The following AMDHD2 variants were observed in gnomAD, a reference collection of about 807,000 sequenced individuals.
AMDHD2 encodes N-acetylglucosamine-6-phosphate deacetylase.
AMDHD2 carries 24 observed loss-of-function variants against 41.8 expected under a neutral mutation model. The ratio of observed to expected loss-of-function variants is 0.57; its 90% CI spans 0.42 to 0.81. The LOEUF (loss-of-function observed/expected upper bound fraction) is 0.81, where lower values mean the gene tolerates loss of function less well. AMDHD2 is among the 30% of genes least tolerant of loss of function. The probability of loss-of-function intolerance (pLI) is 0.00; values close to 1 mark genes in which losing one functional copy is unlikely to be tolerated. For missense variants in AMDHD2, 540 were observed against 588.5 expected, an observed-to-expected ratio of 0.92 and a Z score of 0.85; for synonymous variants, 332 against 255.5, an observed-to-expected ratio of 1.30 and a Z score of -2.85.
intron 3 of AMDHD2, among the ~76,000 whole-genome samples, chr16:2,521,343 C>T (rs771026662): frequency 2.6e-5 from 4 of 152,136 alleles, no homozygotes; most frequent in African/African-American, 4.8e-5. Context: ...CCGCAGCTGT[C>T]TCCACACTGC....
Position 2,530,968 on chromosome 16 carries a change from CA to C in AMDHD2, c.*1406del, listed in dbSNP as rs759261830. 4 of 1,613,360 alleles carry C rather than the reference CA, an allele frequency of 2.5e-6. No individual in the cohort carries two copies. Among genetic ancestry groups the C allele is most frequent in the Non-Finnish European group, 2.5e-6 (3 of 1,179,926 alleles). ...GGGCCTGGGAGAGGAGCTGTCTTGC[CA>C]GGGCTCCCAGGCAGGGAGAGGCAGG... On this transcript the variant is annotated 3_prime_UTR_variant, in exon 11 of 11. Transcript: ENST00000293971.
In AMDHD2 at chr16:2,528,344, G is replaced by C. The variant is rs762655247; in HGVS notation, c.826G>C (p.Ala276Pro). 1 of 1,612,694 alleles carries C rather than the reference G, an allele frequency of 6.2e-7. No homozygotes were observed. Among genetic ancestry groups the C allele is most frequent in the East Asian group, 2.2e-5 (1 of 44,880 alleles). Residue 276 changes from alanine (A) to proline (P), a missense_variant, in exon 7 of 11, where the codon GCC becomes CCC. By Grantham distance (27) the Ala-to-Pro change is conservative (BLOSUM62 -1). Coordinates refer to ENST00000293971, the MANE Select transcript of AMDHD2 (RefSeq NM_001330449.2). Reference sequence around the variant, plus strand: ...TGCAGATGGCACGCACACCAACCCCGCCGCCCTGCGGATCGCCCACCGTGC... The same window carrying C: ...TGCAGATGGCACGCACACCAACCCCCCCGCCCTGCGGATCGCCCACCGTGC... ...MIADGTHTNP[A>P]ALRIAHRAHP...
Position 2,527,459 on chromosome 16 carries a change from G to C in AMDHD2, c.361-102G>C. ...ACAGGCGGCCGGGGCTGGGCTGGGTGCTGGGCTCTGAACTCTGACCTGAGA... is the reference window on the plus strand; with the variant it reads ...ACAGGCGGCCGGGGCTGGGCTGGGTCCTGGGCTCTGAACTCTGACCTGAGA... On this transcript the variant is annotated intron_variant, in intron 3 of 10. Transcript: ENST00000293971. The surrounding 1 kb of genome is among the most constrained non-coding windows in gnomAD (Gnocchi z 6.1). The C allele has an allele frequency of 8.3e-6, 11 of 1,327,108 alleles. No homozygotes were observed. Among genetic ancestry groups the C allele is most frequent in the Non-Finnish European group, 1.2e-5 (11 of 945,032 alleles). The allele number at this position is 1,327,108 out of a possible 1,614,324, so 82.2% of individuals were successfully genotyped here.
In AMDHD2 at chr16:2,528,275, AGCGACCG is replaced by A; in HGVS notation, c.760_766del (p.Asp254CysfsTer11). ...CCCAGGCATCGTGGGGCTCCTGACC[AGCGACCG>A]GCTGCCCGCAGGCCGCTGCATCTTC... On this transcript the variant is annotated frameshift_variant, in exon 7 of 11. Transcript: ENST00000293971. LOFTEE classifies it high-confidence loss of function. 1 of 1,612,082 alleles carries A rather than the reference AGCGACCG, an allele frequency of 6.2e-7. No individual in the cohort carries two copies. The highest frequency in any genetic ancestry group is 1.1e-5 in the South Asian group (1 of 91,050).
In AMDHD2 at chr16:2,529,668, G is replaced by A; in HGVS notation, c.*105G>A. ...AGTGAGTCGGGAGCCCTGCTGGATT[G>A]ATGCCCAGGGCCTGTGCGGCCGCCC... On this transcript the variant is annotated 3_prime_UTR_variant, in exon 11 of 11. Transcript: ENST00000293971. 1 of 1,557,912 alleles carries A rather than the reference G, an allele frequency of 6.4e-7. No individual in the cohort carries two copies. The highest frequency in any genetic ancestry group is 2.3e-5 in the East Asian group (1 of 42,956).
At position 2,531,098 on chromosome 16, in the gene AMDHD2, A is replaced by G. The variant is rs1272532005; in HGVS notation, c.*1535A>G. The G allele has an allele frequency of 6.4e-7, 1 of 1,565,042 alleles. No homozygotes were observed. The highest frequency in any genetic ancestry group is 1.3e-5 in the African/African-American group (1 of 74,272). On this transcript the variant is annotated 3_prime_UTR_variant, in exon 11 of 11. Coordinates refer to ENST00000293971, the MANE Select transcript of AMDHD2 (RefSeq NM_001330449.2). ...TCCTCAGCTAAAACCCAGAGCTGGC[A>G]TGTTGGTCATCCCCACCTCAGACGG...
In AMDHD2 at chr16:2,529,798, A is replaced by G; in HGVS notation, c.*235A>G. 1 of 1,429,454 alleles carries G rather than the reference A, an allele frequency of 7.0e-7. No homozygotes were observed. The highest frequency in any genetic ancestry group is 9.1e-7 in the Non-Finnish European group (1 of 1,095,746). 88.5% of individuals were successfully genotyped at this position (1,429,454 alleles called of 1,614,324 possible). ...CCATCCTTGGTTGCCCTCCTGGAGA[A>G]GGCATTCACGGCCTGGGGTGGGATG... On this transcript the variant is annotated 3_prime_UTR_variant, in exon 11 of 11. Transcript: ENST00000293971.
At position 2,530,364 on chromosome 16, in the gene AMDHD2, TC is replaced by T; in HGVS notation, c.*805del. 2 of 1,614,132 alleles carry T rather than the reference TC, an allele frequency of 1.2e-6. No individual in the cohort carries two copies. The highest frequency in any genetic ancestry group is 1.7e-6 in the Non-Finnish European group (2 of 1,180,016). On this transcript the variant is annotated 3_prime_UTR_variant, in exon 11 of 11. Coordinates refer to ENST00000293971, the MANE Select transcript of AMDHD2 (RefSeq NM_001330449.2). ...TAGTGTCATCCTGCCATCTTCTGTGTCCCCTTGGCCCTGGCACACACCCATG... is the reference window on the plus strand; with the variant it reads ...TAGTGTCATCCTGCCATCTTCTGTGTCCCTTGGCCCTGGCACACACCCATG...
At chr16:2,521,781 GTTTT>G (rs57701626) in intron 3 of AMDHD2, among the ~76,000 whole-genome samples, 11 of 111,592 alleles carry the variant, frequency 9.9e-5, no homozygotes, top group Non-Finnish European at 1.8e-5. Context: ...TTTTTGTTTA[GTTTT>G]TTTTTTTTTT....
intron 3 of AMDHD2, among the ~76,000 whole-genome samples, chr16:2,526,081 C>G (rs1287318137): frequency 6.6e-6 from 1 of 152,210 alleles, no homozygotes; most frequent in Non-Finnish European, 1.5e-5. Context: ...CATCTCTCCT[C>G]GTGGTCTCTG....
Position 2,527,531 on chromosome 16 carries a change from G to T in AMDHD2, c.361-30G>T. 6.2e-7 allele frequency: 1 copy of T among 1,604,750 alleles called. No homozygotes were observed. Among genetic ancestry groups the T allele is most frequent in the Non-Finnish European group, 8.5e-7 (1 of 1,176,118 alleles). On this transcript the variant is annotated intron_variant, in intron 3 of 10. Transcript: ENST00000293971. The surrounding 1 kb of genome is among the most constrained non-coding windows in gnomAD (Gnocchi z 6.1). Reference sequence around the variant, plus strand: ...TGGCCTCTGGGAATGGGCTGTGGGGGACAGGGCTTTAACAGCTGGTTCCCC... The same window carrying T: ...TGGCCTCTGGGAATGGGCTGTGGGGTACAGGGCTTTAACAGCTGGTTCCCC...
At chr16:2,520,939 A>G (rs2065926937) in intron 2 of AMDHD2, 34 bp downstream of exon 2, 3 of 1,595,610 alleles carry the variant, frequency 1.9e-6, no homozygotes, top group Non-Finnish European at 2.6e-6. Flanking sequence ...AACCCAGGGG[A>G]GGAGCTCTGA....
At position 2,527,460 on chromosome 16, in the gene AMDHD2, C is replaced by G. The variant is rs2066017985; in HGVS notation, c.361-101C>G. ...CAGGCGGCCGGGGCTGGGCTGGGTG[C>G]TGGGCTCTGAACTCTGACCTGAGAT... On this transcript the variant is annotated intron_variant, in intron 3 of 10. Transcript: ENST00000293971. This position sits in a 1 kb window ranked among gnomAD's most constrained non-coding sequence, Gnocchi z 6.1. 1 of 1,343,030 alleles carries G rather than the reference C, an allele frequency of 7.4e-7. No individual in the cohort carries two copies. The highest frequency in any genetic ancestry group is 1.3e-5 in the South Asian group (1 of 79,852). The allele number at this position is 1,343,030 out of a possible 1,614,324, so 83.2% of individuals were successfully genotyped here. A position where few individuals can be genotyped will look rare whatever the true frequency, so the allele number is the denominator to read the frequency against.
Position 2,530,821 on chromosome 16 carries a change from A to G in AMDHD2, c.*1258A>G. ...AGCCCACAAGCCCCAGGGGCAGCCC[A>G]GGAAAGCAGGCGACGGATGTGGATC... On this transcript the variant is annotated 3_prime_UTR_variant, in exon 11 of 11. Coordinates refer to ENST00000293971, the MANE Select transcript of AMDHD2 (RefSeq NM_001330449.2). 2 of 1,613,768 alleles carry G rather than the reference A, an allele frequency of 1.2e-6. No homozygotes were observed. Among genetic ancestry groups the G allele is most frequent in the South Asian group, 1.1e-5 (1 of 91,090 alleles).
In AMDHD2 at chr16:2,529,887, T is replaced by C; in HGVS notation, c.*324T>C. On this transcript the variant is annotated 3_prime_UTR_variant, in exon 11 of 11. Coordinates refer to ENST00000293971, the MANE Select transcript of AMDHD2 (RefSeq NM_001330449.2). ...GGGGACAGGGCCTGTCTGCATGAAG[T>C]GGACCGGAGACCTGCAGACCCCAGG... 5 of 1,189,148 alleles carry C rather than the reference T, an allele frequency of 4.2e-6. No homozygotes were observed. The highest frequency in any genetic ancestry group is 5.7e-6 in the Non-Finnish European group (5 of 884,574). 73.7% of individuals were successfully genotyped at this position (1,189,148 alleles called of 1,614,324 possible). A position where few individuals can be genotyped will look rare whatever the true frequency, so the allele number is the denominator to read the frequency against.
rs959902991 is a variant in AMDHD2 at position 2,527,403 on chromosome 16, C to T, written c.361-158C>T. Among the ~76,000 whole-genome samples the T allele has an allele frequency of 6.6e-5, 10 of 152,190 alleles. No homozygotes were observed. The highest frequency in any genetic ancestry group is 2.6e-4 in the Admixed American group (4 of 15,284). The stretch of plus-strand genomic sequence containing the variant: ...CCTGCCATGGGTCCTTCAATTCTGC[C>T]GGCTGTGCTTTCCCTGACCCCTGTG... On this transcript the variant is annotated intron_variant, in intron 3 of 10. Coordinates refer to ENST00000293971, the MANE Select transcript of AMDHD2 (RefSeq NM_001330449.2). The surrounding 1 kb of genome is among the most constrained non-coding windows in gnomAD (Gnocchi z 6.1).
Position 2,529,032 on chromosome 16 carries a change from C to A in AMDHD2, c.1078C>A (p.His360Asn). Residue 360 changes from histidine (H) to asparagine (N), a missense_variant, in exon 10 of 11, where the codon CAC becomes AAC. By Grantham distance (68) the His-to-Asn change is moderately conservative. Coordinates refer to ENST00000293971, the MANE Select transcript of AMDHD2 (RefSeq NM_001330449.2). ...GTCGGCCCTGGAGGCTGCATCCCTGCACCCCGCCCAGTTGCTGGGGCTGGA... is the reference window on the plus strand; with the variant it reads ...GTCGGCCCTGGAGGCTGCATCCCTGAACCCCGCCCAGTTGCTGGGGCTGGA... ...MESALEAASL[H>N]PAQLLGLEKS... 6.3e-7 allele frequency: 1 copy of A among 1,596,658 alleles called. No individual in the cohort carries two copies. The highest frequency in any genetic ancestry group is 8.5e-7 in the Non-Finnish European group (1 of 1,172,366).
rs1390144276 is a variant in AMDHD2, at chr16:2,531,070, C to T, written c.*1507C>T. On this transcript the variant is annotated 3_prime_UTR_variant, in exon 11 of 11. Transcript: ENST00000293971. ...TGCTGGCTGTCAGTGCTTGATGTGC[C>T]CATCCTCAGCTAAAACCCAGAGCTG... The T allele has an allele frequency of 6.3e-7, 1 of 1,585,724 alleles. No individual in the cohort carries two copies.
At position 2,527,708 on chromosome 16, in the gene AMDHD2, GAGGGCAGGTGATA is replaced by G; in HGVS notation, c.416-59_416-47del. 6.4e-7 allele frequency: 1 copy of G among 1,554,692 alleles called. No individual in the cohort carries two copies. The highest frequency in any genetic ancestry group is 8.7e-7 in the Non-Finnish European group (1 of 1,149,692). On this transcript the variant is annotated intron_variant, in intron 4 of 10. Coordinates refer to ENST00000293971, the MANE Select transcript of AMDHD2 (RefSeq NM_001330449.2). This position sits in a 1 kb window ranked among gnomAD's most constrained non-coding sequence, Gnocchi z 6.1. The stretch of plus-strand genomic sequence containing the variant: ...CCCCTCCAGATGCCCAGCTGGTGGG[GAGGGCAGGTGATA>G]AGGGCTGGGTGGGGCAGGGACCTGC...
Sources: gnomAD v4.1 joint callset for allele counts (sites outside exome capture counted in the v4.1 genomes callset) on GRCh38, gnomAD v4.1.1 for gene constraint, Gnocchi (gnomAD v3.1) non-coding constraint, MANE v1.5 for transcripts, NCBI Gene and HGNC (gene_info 2026-07-23, HGNC 2026-07-21) for gene names.